Variants in OSCP1 observed in about 807,000 individuals in gnomAD.
OSCP1 encodes the protein organic solute carrier partner 1.
Under a neutral mutation model 45.1 loss-of-function variants are expected in OSCP1, and 35 were observed. The ratio of observed to expected loss-of-function variants is 0.78; its 90% confidence interval spans 0.59 to 1.03. The LOEUF (loss-of-function observed/expected upper bound fraction) is 1.03, where lower values mean the gene tolerates loss of function less well. Among genes scored for constraint, OSCP1 ranks in the 50% least tolerant of loss-of-function variants. The pLI, the probability that OSCP1 is intolerant of heterozygous loss-of-function variation, is 0.00. For missense variants in OSCP1, 400 were observed against 470.7 expected (o/e 0.85, Z 1.39); for synonymous variants, 179 against 180.1 (o/e 0.99, Z 0.05).
Position 36,423,401 on chromosome 1 carries a change from C to T in OSCP1, c.582G>A (p.Gly194=). The T allele has an allele frequency of 3.1e-6, 5 of 1,613,768 alleles. No individual in the cohort carries two copies. The highest frequency in any genetic ancestry group is 4.2e-6 in the Non-Finnish European group (5 of 1,179,720). The stretch of plus-strand genomic sequence containing the variant: ...GAACTTCAGTTCCCCAAGGAACAGG[C>T]CCGGACACCGGCAACACAAAGCGAC... ...NNGRFVLPVS[G]PVPWGTEVPG... Residue 194 remains glycine (G), a synonymous_variant, in exon 5 of 10, where the codon GGG becomes GGA. Coordinates refer to ENST00000235532, the MANE Select transcript of OSCP1 (RefSeq NM_145047.5).
chr1:36,431,807 T>C lies in OSCP1; in HGVS notation c.511A>G (p.Ile171Val), dbSNP rs1420935726. The change falls in exon 4 of 10, where the codon ATC becomes GTC. Residue 171 changes from isoleucine to valine, a missense_variant. By Grantham distance (29) the Ile-to-Val change is conservative. Coordinates refer to ENST00000235532, the MANE Select transcript of OSCP1 (RefSeq NM_145047.5). ...AGGGCTGCCTATTGACTTACTCGGA[T>C]GTGCAGGTCTTGGAAGAAGATGAGG... ...TLLIFFQDLH[I>V]RVSMFLKDKV... 3.1e-6 allele frequency: 5 copies of C among 1,613,426 alleles called. No individual in the cohort carries two copies. Among genetic ancestry groups the C allele is most frequent in the Admixed American group, 1.7e-5 (1 of 59,960 alleles).
At chr1:36,423,525 T>G in intron 4 of OSCP1, 59 bp from the exon 5 acceptor site, 1 of 1,363,312 alleles carries the variant, frequency 7.3e-7, no homozygotes, top group Non-Finnish European at 1.0e-6. Context: ...ACATCAATAT[T>G]CTGAGGGTGG....
chr1:36,422,595 T>G (rs1647719206), intron 6 of OSCP1, among the ~76,000 whole-genome samples, 173 bp downstream of exon 6: 1 of 152,190 alleles, frequency 6.6e-6, no homozygotes, highest in Non-Finnish European at 1.5e-5. Context: ...ATGTTTGGCG[T>G]TCCTGGGTGC....
intron 4 of OSCP1, among the ~76,000 whole-genome samples, chr1:36,428,982 C>T (rs1005987754): frequency 2.0e-5 from 3 of 152,076 alleles, no homozygotes; most frequent in Admixed American, 2.0e-4. Context: ...ACTATGTTGC[C>T]CAGGATGGTC....
At chr1:36,449,020 T>C (rs1649709124) in intron 1 of OSCP1, among the ~76,000 whole-genome samples, 3 of 152,222 alleles carry the variant, frequency 2.0e-5, no homozygotes, top group Admixed American at 2.0e-4. Context: ...TAGCTCTTTA[T>C]GCATGGACTT....
chr1:36,448,258 A>G (rs925621011), intron 1 of OSCP1, among the ~76,000 whole-genome samples: 2 of 152,166 alleles, frequency 1.3e-5, no homozygotes, highest in Non-Finnish European at 2.9e-5. Flanking sequence ...AATTTACACT[A>G]TCTTCCAAGA....
chr1:36,428,403 A>G, intron 4 of OSCP1: 1 of 1,614,128 alleles, frequency 6.2e-7, no homozygotes, highest in Non-Finnish European at 8.5e-7. Flanking sequence ...TCCTCCATAT[A>G]GTTCCCCACT....
At chr1:36,435,096 T>TC (rs11422693) in intron 2 of OSCP1, among the ~76,000 whole-genome samples, 2 of 118,060 alleles carry the variant, frequency 1.7e-5, no homozygotes, top group East Asian at 7.7e-4. Context: ...TTTTTCTTTT[T>TC]TTTTTTTTTT....
At chr1:36,432,382 G>A in intron 3 of OSCP1, 40 bp downstream of exon 3, 1 of 1,605,450 alleles carries the variant, frequency 6.2e-7, no homozygotes, top group Non-Finnish European at 8.5e-7. Flanking sequence ...ATGAGAAAAA[G>A]TACTGGGGCT....
intron 8 of OSCP1, 142 bp from the exon 9 acceptor site, chr1:36,419,196 C>A: frequency 1.4e-6 from 1 of 732,600 alleles, no homozygotes. Flanking sequence ...CATCTCCCAC[C>A]AATGTACCCT....
intron 1 of OSCP1, among the ~76,000 whole-genome samples, chr1:36,440,110 GA>G (rs1408437532): frequency 3.3e-5 from 5 of 152,188 alleles, no homozygotes; most frequent in Non-Finnish European, 7.3e-5. Flanking sequence ...GGTTATTATT[GA>G]AATATAGAAA....
chr1:36,434,620 C>G (rs984340639), intron 2 of OSCP1, among the ~76,000 whole-genome samples: 1 of 151,864 alleles, frequency 6.6e-6, no homozygotes, highest in Non-Finnish European at 1.5e-5. Flanking sequence ...TGTGGTGGTG[C>G]GTGCCTGTAA....
intron 4 of OSCP1, among the ~76,000 whole-genome samples, chr1:36,425,396 G>C (rs1374399478): frequency 1.3e-5 from 2 of 152,076 alleles, no homozygotes; most frequent in African/African-American, 2.4e-5. Flanking sequence ...AATAATAATA[G>C]ATAACTCGGT....
intron 4 of OSCP1, among the ~76,000 whole-genome samples, chr1:36,425,841 A>G (rs1238859615): frequency 6.6e-6 from 1 of 152,170 alleles, no homozygotes; most frequent in Non-Finnish European, 1.5e-5. Flanking sequence ...ACAAGCATAA[A>G]ATGGAGAAAA....
Position 36,447,897 on chromosome 1 carries a change from G to A in OSCP1, c.112+2361C>T. 1 of 453,804 alleles carries A rather than the reference G, an allele frequency of 2.2e-6. No homozygotes were observed. Among genetic ancestry groups the A allele is most frequent in the Non-Finnish European group, 4.4e-6 (1 of 225,154 alleles). 28.1% of individuals were successfully genotyped at this position (453,804 alleles called of 1,614,324 possible). A position where few individuals can be genotyped will look rare whatever the true frequency, so the allele number is the denominator to read the frequency against. On this transcript the variant is annotated intron_variant, in intron 1 of 9. Coordinates refer to ENST00000235532, the MANE Select transcript of OSCP1 (RefSeq NM_145047.5). The surrounding 1 kb of genome is among the most constrained non-coding windows in gnomAD (Gnocchi z 4.1). ...GACACTCAGTCAAAATCTGTGGAAT[G>A]AATGAGTGTGCGAATGTAAATTACT...
chr1:36,434,921 G>A (rs1219977695), intron 2 of OSCP1, among the ~76,000 whole-genome samples: 6 of 151,832 alleles, frequency 4.0e-5, no homozygotes, highest in Admixed American at 3.3e-4. Context: ...TAGAAATAAA[G>A]AATAAAAACA....
At chr1:36,421,214 G>T (rs1647598613) in intron 7 of OSCP1, among the ~76,000 whole-genome samples, 1 of 151,966 alleles carries the variant, frequency 6.6e-6, no homozygotes, top group African/African-American at 2.4e-5. Flanking sequence ...AGCCCAAATT[G>T]TTTACCACCC....
Position 36,420,738 on chromosome 1 carries a change from G to T in OSCP1, c.820-123C>A, listed in dbSNP as rs1647568657. The T allele has an allele frequency of 2.3e-6, 3 of 1,327,252 alleles. No individual in the cohort carries two copies. The Admixed American group carries it at 7.2e-5, about 32-fold the overall frequency. 82.2% of individuals were successfully genotyped at this position (1,327,252 alleles called of 1,614,324 possible). Reference sequence around the variant, plus strand: ...ACAATTGCTATTTAAATTATTTCTGGGTCCAAATAAAGTGTAGAAAGCAGC... The same window carrying T: ...ACAATTGCTATTTAAATTATTTCTGTGTCCAAATAAAGTGTAGAAAGCAGC... On this transcript the variant is annotated intron_variant, in intron 7 of 9. Transcript: ENST00000235532.
At chr1:36,436,313 T>C (rs1264791560) in intron 2 of OSCP1, among the ~76,000 whole-genome samples, 1 of 151,258 alleles carries the variant, frequency 6.6e-6, no homozygotes, top group Non-Finnish European at 1.5e-5. Flanking sequence ...GATTTCACCA[T>C]GTTAGCCAGG....
Sources: gnomAD v4.1 joint callset for allele counts (sites outside exome capture counted in the v4.1 genomes callset) on GRCh38, gnomAD v4.1.1 for gene constraint, Gnocchi (gnomAD v3.1) non-coding constraint, MANE v1.5 for transcripts, NCBI Gene and HGNC (gene_info 2026-07-23, HGNC 2026-07-21) for gene names.